The following ZCCHC14 variants were observed in gnomAD, a reference collection of about 807,000 sequenced individuals.
ZCCHC14 encodes the protein zinc finger CCHC domain-containing protein 14.
A neutral mutation model predicts 85.0 loss-of-function variants in ZCCHC14; 16 were observed. The observed-to-expected ratio is 0.19, with a 90% CI of 0.13 to 0.29. The LOEUF is 0.29. Ranked by LOEUF, ZCCHC14 falls within the 10% of genes least tolerant of loss-of-function variation. The pLI is 1.00. For missense variants in ZCCHC14, 1,303 were observed against 1,443.5 expected, an observed-to-expected ratio of 0.90 and a Z score of 1.58; for synonymous variants, 775 against 630.7, an observed-to-expected ratio of 1.23 and a Z score of -3.43.
rs761285214 is a variant in ZCCHC14, at chr16:87,433,211, T to A, written c.695-10A>T. 1 of 1,612,200 alleles carries A rather than the reference T, an allele frequency of 6.2e-7. No homozygotes were observed. The highest frequency in any genetic ancestry group is 8.5e-7 in the Non-Finnish European group (1 of 1,178,982). On this transcript the variant is annotated splice_polypyrimidine_tract_variant and intron_variant, in intron 2 of 12. Coordinates refer to ENST00000671377, the MANE Select transcript of ZCCHC14 (RefSeq NM_015144.3). ...ATCTTTTCAACACTCACTGTAAAAGTAAAACAAAAAACAAAAATGAAATAA... is the reference window on the plus strand; with the variant it reads ...ATCTTTTCAACACTCACTGTAAAAGAAAAACAAAAAACAAAAATGAAATAA...
chr16:87,415,863 G>T (rs1908754745), intron 8 of ZCCHC14, among the ~76,000 whole-genome samples: 1 of 152,118 alleles, frequency 6.6e-6, no homozygotes, highest in African/African-American at 2.4e-5. Flanking sequence ...ACCCTCTGCG[G>T]GATGGTCGTC....
In ZCCHC14 at chr16:87,412,284, G is replaced by C. The variant is rs1908500027; in HGVS notation, c.2437C>G (p.Leu813Val). 1.2e-6 allele frequency: 2 copies of C among 1,613,860 alleles called. No homozygotes were observed. The highest frequency in any genetic ancestry group is 1.1e-5 in the South Asian group (1 of 91,086). ...PPAIINPRTA[L>V]YTANTKVAFS... The stretch of plus-strand genomic sequence containing the variant: ...GCAACTTTGGTGTTGGCTGTGTACA[G>C]AGCAGTCCGGGGGTTTATTATTGCA... Residue 813 changes from leucine to valine, a missense_variant, in exon 12 of 13, where the codon CTG (leucine) becomes GTG (valine). By Grantham distance (32) the Leu-to-Val change is conservative (BLOSUM62 1). Coordinates refer to ENST00000671377, the MANE Select transcript of ZCCHC14 (RefSeq NM_015144.3).
rs1567509297 is a variant in ZCCHC14, at chr16:87,414,396, C to T, written c.1603+18G>A. 2 of 1,612,654 alleles carry T rather than the reference C, an allele frequency of 1.2e-6. No homozygotes were observed. The highest frequency in any genetic ancestry group is 1.3e-5 in the African/African-American group (1 of 74,918). On this transcript the variant is annotated intron_variant, in intron 10 of 12. Coordinates refer to ENST00000671377, the MANE Select transcript of ZCCHC14 (RefSeq NM_015144.3). Reference sequence around the variant, plus strand: ...TCTGTGTATGAGTAACCCATCTGCCCGACACACCCTTGTTCACCTGCTGCA... The same window carrying T: ...TCTGTGTATGAGTAACCCATCTGCCTGACACACCCTTGTTCACCTGCTGCA...
In ZCCHC14 at chr16:87,407,925, T is replaced by A. The variant is rs1908274573; in HGVS notation, c.*2355A>T. The A allele has an allele frequency of 6.5e-6, 1 of 152,726 alleles. No individual in the cohort carries two copies. The highest frequency in any genetic ancestry group is 2.1e-4 in the South Asian group (1 of 4,832). The allele number at this position is 152,726 out of a possible 1,614,324, so 9.5% of individuals were successfully genotyped here. On this transcript the variant is annotated 3_prime_UTR_variant, in exon 13 of 13. Transcript: ENST00000671377. The stretch of plus-strand genomic sequence containing the variant: ...ATGGGTGGTTCCATTTTCTCTGCGC[T>A]GTGTAGCTCCTACTTACAGCTGACG...
At position 87,418,776 on chromosome 16, in the gene ZCCHC14, T is replaced by C; in HGVS notation, c.1100+71A>G. The stretch of plus-strand genomic sequence containing the variant: ...CATGACTTAATTCTTGGAACAACTT[T>C]ACACAGAACTCAAAGTAAACATTGT... On this transcript the variant is annotated intron_variant, in intron 7 of 12. Coordinates refer to ENST00000671377, the MANE Select transcript of ZCCHC14 (RefSeq NM_015144.3). The C allele has an allele frequency of 2.0e-6, 3 of 1,465,200 alleles. No individual in the cohort carries two copies. The South Asian group carries it at 3.5e-5, about 17-fold the overall frequency. The allele number at this position is 1,465,200 out of a possible 1,614,324, so 90.8% of individuals were successfully genotyped here.
intron 1 of ZCCHC14, among the ~76,000 whole-genome samples, chr16:87,463,360 C>A (rs1297917964): frequency 1.3e-5 from 2 of 152,244 alleles, no homozygotes; most frequent in Admixed American, 1.3e-4. Context: ...CCAGCCTGGG[C>A]GATAGCGAGA....
chr16:87,419,947 T>A (rs1259969066), intron 5 of ZCCHC14, 70 bp from the exon 6 acceptor site: 3 of 1,356,352 alleles, frequency 2.2e-6, no homozygotes, highest in Admixed American at 2.4e-5. Context: ...AAGAAAAAAA[T>A]TTAACTTTTA....
In ZCCHC14 at chr16:87,484,891, T is replaced by G. The variant is rs1209584126; in HGVS notation, c.570+6778A>C. ...CAAAGATTGGATTGAAGGAGGGAGA[T>G]AGAAATCACAAAGTTCAAACGCTGA... is the stretch of plus-strand genomic sequence containing the variant. On this transcript the variant is annotated intron_variant, in intron 1 of 12. Coordinates refer to ENST00000671377, the MANE Select transcript of ZCCHC14 (RefSeq NM_015144.3). 2.0e-5 allele frequency among the ~76,000 whole-genome samples: 3 copies of G among 151,448 alleles called. No homozygotes were observed. The East Asian group carries it at 5.8e-4, about 29-fold the overall frequency.
chr16:87,481,920 G>A (rs1484127189), intron 1 of ZCCHC14, among the ~76,000 whole-genome samples: 2 of 152,162 alleles, frequency 1.3e-5, no homozygotes, highest in Non-Finnish European at 1.5e-5. Context: ...TCTGCTTAGG[G>A]CCTTCCTGCT....
chr16:87,453,357 T>C (rs1910800301), intron 2 of ZCCHC14, among the ~76,000 whole-genome samples: 1 of 151,774 alleles, frequency 6.6e-6, no homozygotes, highest in African/African-American at 2.4e-5. Context: ...CACTGGAGAG[T>C]AGTGGGAGCA....
chr16:87,434,685 G>C (rs150356925), intron 2 of ZCCHC14, among the ~76,000 whole-genome samples: 1 of 152,178 alleles, frequency 6.6e-6, no homozygotes, highest in African/African-American at 2.4e-5. Context: ...TCAAAAAACC[G>C]TATGGCCAAA....
intron 2 of ZCCHC14, among the ~76,000 whole-genome samples, chr16:87,439,744 G>C (rs1597420425): frequency 6.6e-6 from 1 of 152,074 alleles, no homozygotes; most frequent in Non-Finnish European, 1.5e-5. Context: ...AAACAAACAA[G>C]ATCTTAGAGG....
chr16:87,467,603 T>A (rs1257168372), intron 1 of ZCCHC14: 4 of 1,291,806 alleles, frequency 3.1e-6, no homozygotes, highest in Non-Finnish European at 4.5e-6. Context: ...GTCAAGGATC[T>A]GGAGATGACA....
chr16:87,490,818 C>T (rs1185836915), intron 1 of ZCCHC14, among the ~76,000 whole-genome samples: 1 of 152,236 alleles, frequency 6.6e-6, no homozygotes, highest in Non-Finnish European at 1.5e-5. Context: ...CACGTGTGCA[C>T]ATATACATGC....
rs551749383 is a variant in ZCCHC14 at position 87,491,600 on chromosome 16, G to A, written c.570+69C>T. The A allele has an allele frequency of 3.4e-5, 45 of 1,315,738 alleles. No individual in the cohort carries two copies. In the African/African-American group the frequency reaches 6.2e-4, roughly 18 times the overall value. The allele number at this position is 1,315,738 out of a possible 1,614,324, so 81.5% of individuals were successfully genotyped here. On this transcript the variant is annotated intron_variant, in intron 1 of 12. Coordinates refer to ENST00000671377, the MANE Select transcript of ZCCHC14 (RefSeq NM_015144.3). The surrounding 1 kb of genome is among the most constrained non-coding windows in gnomAD (Gnocchi z 5.9). The stretch of plus-strand genomic sequence containing the variant: ...GGGTCGGGGGGTCGCGGTGCAGGCT[G>A]GAGGCTTGGAGTGCAGAGTTGGGGA...
rs1909052263 is a variant in ZCCHC14 at position 87,420,713 on chromosome 16, A to G, written c.844T>C (p.Cys282Arg). 1 of 1,611,788 alleles carries G rather than the reference A, an allele frequency of 6.2e-7. No homozygotes were observed. Among genetic ancestry groups the G allele is most frequent in the Non-Finnish European group, 8.5e-7 (1 of 1,178,826 alleles). Residue 282 changes from cysteine (C) to arginine (R), a missense_variant, in exon 5 of 13, where the codon TGT (cysteine) becomes CGT (arginine). Cys to Arg is a radical substitution (Grantham distance 180). Coordinates refer to ENST00000671377, the MANE Select transcript of ZCCHC14 (RefSeq NM_015144.3). The surrounding 1 kb of genome is among the most constrained non-coding windows in gnomAD (Gnocchi z 5.0). ...AAGTTCTCTTCAGGATAGAGCTGAC[A>G]TAGCTGGAAGAGAGGACAAGGTAGA... ...SEVTEFISKL[C>R]QLYPEENLEK...
Position 87,460,027 on chromosome 16 carries a change from G to A in ZCCHC14, c.675C>T (p.Pro225=), listed in dbSNP as rs12444400. The A allele has an allele frequency of 3.7e-6, 6 of 1,613,980 alleles. No individual in the cohort carries two copies. The South Asian group carries it at 4.4e-5, about 12-fold the overall frequency. Residue 225 remains proline, a synonymous_variant, in exon 2 of 13, where the codon CCC becomes CCT. Coordinates refer to ENST00000671377, the MANE Select transcript of ZCCHC14 (RefSeq NM_015144.3). The part of the protein sequence containing the change: ...HSTEESLPKR[P]LGKHSKVSVE... ...ACTCACCTTTGCTGTGTTTTCCTAA[G>A]GGCCTCTTGGGCAGCGACTCCTCCG... is the stretch of plus-strand genomic sequence containing the variant.
At chr16:87,436,443 G>A (rs1272243841) in intron 2 of ZCCHC14, among the ~76,000 whole-genome samples, 1 of 152,278 alleles carries the variant, frequency 6.6e-6, no homozygotes, top group Admixed American at 6.5e-5. Context: ...AGAGAGGGAA[G>A]ACCAGGCACA....
intron 1 of ZCCHC14, among the ~76,000 whole-genome samples, chr16:87,481,639 G>A (rs12443520): frequency 0.3 from 44,390 of 148,236 alleles, 9,666 homozygotes; most frequent in African/African-American, 0.6. Flanking sequence ...ACACTGAACC[G>A]GGGCTGTAAC....
Sources: allele counts gnomAD v4.1 joint callset (sites outside exome capture counted in the v4.1 genomes callset), GRCh38; gene constraint gnomAD v4.1.1; non-coding constraint Gnocchi (gnomAD v3.1); transcripts MANE v1.5; gene names NCBI Gene and HGNC (gene_info 2026-07-23, HGNC 2026-07-21).